Variants in TRPM1 observed in about 807,000 individuals in gnomAD.
The protein encoded by TRPM1 is TRPM1-203 APA Isoform, Intron 10.
In TRPM1, 113 loss-of-function variants were observed where a neutral mutation model predicts 149.4. The observed-to-expected ratio is 0.76, with a 90% CI of 0.65 to 0.88. TRPM1 has a LOEUF of 0.88. Ranked by LOEUF, TRPM1 falls within the 40% of genes least tolerant of loss-of-function variation. The pLI is 0.00. For synonymous variants in TRPM1, 741 were observed against 759.5 expected (o/e 0.98, Z 0.40); for missense variants, 1,976 against 2,038.7 (o/e 0.97, Z 0.59).
intron 1 of TRPM1, among the ~76,000 whole-genome samples, chr15:31,112,004 C>T (rs2141024535): frequency 6.6e-6 from 1 of 152,244 alleles, no homozygotes; most frequent in African/African-American, 2.4e-5. Context: ...AAAGACTTCG[C>T]ATTTTTATCT....
intron 1 of TRPM1, among the ~76,000 whole-genome samples, chr15:31,087,135 A>G (rs540464596): frequency 6.6e-6 from 1 of 152,164 alleles, no homozygotes; most frequent in Non-Finnish European, 1.5e-5. Flanking sequence ...AGGAATGTAA[A>G]AGAGTACAGC....
chr15:31,116,467 GTGTGGTGGCA>G (rs1013094596), intron 1 of TRPM1, among the ~76,000 whole-genome samples: 3 of 152,088 alleles, frequency 2.0e-5, no homozygotes, highest in Non-Finnish European at 2.9e-5. Flanking sequence ...AATTAGCTGG[GTGTGGTGGCA>G]TGAGCCTGTG....
intron 2 of TRPM1, 137 bp from the exon 3 acceptor site, chr15:31,077,121 C>G: frequency 1.5e-6 from 1 of 680,976 alleles, no homozygotes; most frequent in Non-Finnish European, 2.7e-6. Context: ...GGATGCAAGT[C>G]TTTAAGGATC....
At chr15:31,076,852 G>T in intron 3 of TRPM1, 53 bp downstream of exon 3, 1 of 1,355,288 alleles carries the variant, frequency 7.4e-7, no homozygotes, top group Admixed American at 1.7e-5. Flanking sequence ...CATGAGAATA[G>T]TGGCAGACAA....
At chr15:31,068,744 C>CAAAAAAAAAAAAA (rs60411633) in intron 4 of TRPM1, among the ~76,000 whole-genome samples, 5 of 60,206 alleles carry the variant, frequency 8.3e-5, no homozygotes, top group African/African-American at 1.3e-4. Flanking sequence ...AACTCCAACT[C>CAAAAAAAAAAAAA]AAAAAAAAAA....
intron 7 of TRPM1, among the ~76,000 whole-genome samples, chr15:31,065,706 T>C (rs1251885477): frequency 6.6e-6 from 1 of 152,208 alleles, no homozygotes; most frequent in Non-Finnish European, 1.5e-5. Context: ...ATAATACTTA[T>C]CAGCAAATAG....
In TRPM1 at chr15:31,027,080, C is replaced by T; in HGVS notation, c.3331G>A (p.Val1111Met). Reference sequence around the variant, plus strand: ...AGCTGATATCGCTGGAACTTCCACACCTGGTTGGATATTGATTTTACTTCA... The same window carrying T: ...AGCTGATATCGCTGGAACTTCCACATCTGGTTGGATATTGATTTTACTTCA... ...FFEVKSISNQ[V>M]WKFQRYQLIM... The change falls in exon 26 of 28, where the codon GTG becomes ATG. Residue 1111 changes from valine to methionine, a missense_variant. Around this residue, in one of 3 missense-constraint regions of TRPM1, gnomAD observed 72 missense variants for 112.7 expected, o/e 0.64. Coordinates refer to ENST00000256552, the MANE Select transcript of TRPM1 (RefSeq NM_001252024.2). 6.2e-7 allele frequency: 1 copy of T among 1,614,134 alleles called. No individual in the cohort carries two copies. The highest frequency in any genetic ancestry group is 8.5e-7 in the Non-Finnish European group (1 of 1,180,046).
At chr15:31,069,396 A>G in intron 4 of TRPM1, 3 of 992,708 alleles carry the variant, frequency 3.0e-6, no homozygotes, top group South Asian at 9.2e-5. Context: ...AGCATTTGGA[A>G]CACAGCTAAA....
chr15:31,014,538 T>G (rs1283386718), intron 27 of TRPM1, among the ~76,000 whole-genome samples: 1 of 152,194 alleles, frequency 6.6e-6, no homozygotes, highest in Non-Finnish European at 1.5e-5. Flanking sequence ...GATCCAGCCA[T>G]TTTGTTTAAA....
At chr15:31,007,066 T>G (rs1445808499) in intron 27 of TRPM1, among the ~76,000 whole-genome samples, 1 of 152,204 alleles carries the variant, frequency 6.6e-6, no homozygotes, top group African/African-American at 2.4e-5. Flanking sequence ...GGTGTTGCAT[T>G]GAAGAATCCT....
chr15:31,128,317 G>A (rs556458592), intron 1 of TRPM1, among the ~76,000 whole-genome samples: 2 of 152,292 alleles, frequency 1.3e-5, no homozygotes, highest in East Asian at 1.9e-4. Flanking sequence ...ACCGGCTGCC[G>A]TGGAGCTCTG....
chr15:31,020,564 G>A (rs2032520203), intron 27 of TRPM1, among the ~76,000 whole-genome samples: 1 of 152,122 alleles, frequency 6.6e-6, no homozygotes, highest in African/African-American at 2.4e-5. Context: ...AGCAATCCTG[G>A]TTATCTCCTT....
In TRPM1 at chr15:31,002,378, T is replaced by G; in HGVS notation, c.4322A>C (p.Lys1441Thr). ...TTCATCGGGGAAATAGCGTGTAATT[T>G]TGGTTTCTTCCAGGGGATAGGAAAT... The part of the protein sequence containing the change: ...GTISYPLEET[K>T]ITRYFPDETI... The change falls in exon 28 of 28, where the codon AAA (lysine) becomes ACA (threonine). Residue 1441 changes from lysine to threonine, a missense_variant. By Grantham distance (78) the Lys-to-Thr change is moderately conservative. Coordinates refer to ENST00000256552, the MANE Select transcript of TRPM1 (RefSeq NM_001252024.2). 1.2e-6 allele frequency: 2 copies of G among 1,614,246 alleles called. No homozygotes were observed. The highest frequency in any genetic ancestry group is 4.5e-5 in the East Asian group (2 of 44,886).
At chr15:31,073,726 G>A (rs1221288777) in intron 3 of TRPM1, among the ~76,000 whole-genome samples, 1 of 152,040 alleles carries the variant, frequency 6.6e-6, no homozygotes, top group African/African-American at 2.4e-5. Context: ...GCTTTGGCCT[G>A]TACTTCCATT....
At position 31,062,636 on chromosome 15, in the gene TRPM1, C is replaced by A; in HGVS notation, c.1032G>T (p.Lys344Asn). The A allele has an allele frequency of 6.2e-7, 1 of 1,613,980 alleles. No individual in the cohort carries two copies. The highest frequency in any genetic ancestry group is 8.5e-7 in the Non-Finnish European group (1 of 1,179,904). The change falls in exon 9 of 28, where the codon AAG becomes AAT. Residue 344 changes from lysine to asparagine, a missense_variant. By Grantham distance (94) the Lys-to-Asn change is moderately conservative. Around this residue, in one of 3 missense-constraint regions of TRPM1, gnomAD observed 1,332 missense variants for 1,347.1 expected, o/e 0.99. Coordinates refer to ENST00000256552, the MANE Select transcript of TRPM1 (RefSeq NM_001252024.2). ...VTIQKTFNYN[K>N]AQSHQLFAII... ...TTGCAAACAGCTGATGTGATTGTGC[C>A]TTATTATAATTAAATGTTTTCTGAA...
chr15:31,024,882 T>A (rs1276027921), intron 27 of TRPM1, among the ~76,000 whole-genome samples: 1 of 152,170 alleles, frequency 6.6e-6, no homozygotes, highest in African/African-American at 2.4e-5. Context: ...TTCACCTTGG[T>A]AAGGAAGAAA....
chr15:31,043,493 C>T (rs2033681337), intron 16 of TRPM1, among the ~76,000 whole-genome samples: 1 of 152,090 alleles, frequency 6.6e-6, no homozygotes, highest in African/African-American at 2.4e-5. Context: ...CGCCCGGCCA[C>T]GACTGACCCA....
rs1422259361 is a variant in TRPM1 at position 31,042,125 on chromosome 15, A to G, written c.1913T>C (p.Met638Thr). ...SRFQYPFHELMVWAVLMKRQK... is the reference protein window; with the variant it reads ...SRFQYPFHELTVWAVLMKRQK... Reference sequence around the variant, plus strand: ...GCGTTTCATCAGCACTGCCCACACCATCAGCTCGTGGAAGGGATACTGGAA... The same window carrying G: ...GCGTTTCATCAGCACTGCCCACACCGTCAGCTCGTGGAAGGGATACTGGAA... Residue 638 changes from methionine to threonine, a missense_variant, in exon 17 of 28, where the codon ATG (methionine) becomes ACG (threonine). Coordinates refer to ENST00000256552, the MANE Select transcript of TRPM1 (RefSeq NM_001252024.2). 1.2e-6 allele frequency: 2 copies of G among 1,614,024 alleles called. No individual in the cohort carries two copies. Among genetic ancestry groups the G allele is most frequent in the Admixed American group, 3.3e-5 (2 of 60,012 alleles).
chr15:31,005,551 A>G (rs2031959367), intron 27 of TRPM1, among the ~76,000 whole-genome samples: 1 of 152,030 alleles, frequency 6.6e-6, no homozygotes, highest in South Asian at 2.1e-4. Context: ...CCTTCATTGA[A>G]GCTGTGGAAG....
Sources: allele counts gnomAD v4.1 joint callset (sites outside exome capture counted in the v4.1 genomes callset), GRCh38; gene constraint gnomAD v4.1.1; regional missense constraint gnomAD v4.1.1; transcripts MANE v1.5; gene names NCBI Gene and HGNC (gene_info 2026-07-23, HGNC 2026-07-21).